Variants in TOP3B observed in about 807,000 individuals in gnomAD.
TOP3B encodes the protein DNA topoisomerase III beta, also known as DNA topoisomerase 3-beta-1.
A neutral mutation model predicts 93.9 loss-of-function variants in TOP3B; 45 were observed. The ratio of observed to expected loss-of-function variants is 0.48; its 90% CI spans 0.38 to 0.61. The LOEUF is 0.61. Among genes scored for constraint, TOP3B ranks in the 20% least tolerant of loss-of-function variants. TOP3B has a pLI of 0.00. For missense variants in TOP3B, 750 were observed against 1,156.1 expected (o/e 0.65, Z 5.09); for synonymous variants, 357 against 472.6 (o/e 0.76, Z 3.17).
rs1254233081 is a variant in TOP3B at position 21,971,258 on chromosome 22, G to C, written c.384+619C>G. ...TGACCAGCTCTTGAGCCACGGGTGA[G>C]AGCTGGGGGTACAGGAGCACGGGGG... On this transcript the variant is annotated intron_variant, in intron 5 of 17. Transcript: ENST00000357179. This position sits in a 1 kb window ranked among gnomAD's most constrained non-coding sequence, Gnocchi z 4.6. The C allele has an allele frequency of 6.4e-6, 2 of 310,874 alleles. No homozygotes were observed. The highest frequency in any genetic ancestry group is 9.4e-5 in the East Asian group (1 of 10,624). 19.3% of individuals were successfully genotyped at this position (310,874 alleles called of 1,614,324 possible). A position where few individuals can be genotyped will look rare whatever the true frequency, so the allele number is the denominator to read the frequency against.
chr22:21,970,888 T>G lies in TOP3B; in HGVS notation c.385-482A>C. Reference sequence around the variant, plus strand: ...AAAAAAGAATGAAGGGGAAAGGAAATGGGCAAGAGCAGGAAGGCCACGGGT... The same window carrying G: ...AAAAAAGAATGAAGGGGAAAGGAAAGGGGCAAGAGCAGGAAGGCCACGGGT... On this transcript the variant is annotated intron_variant, in intron 5 of 17. Coordinates refer to ENST00000357179, the MANE Select transcript of TOP3B (RefSeq NM_001282112.2). This position sits in a 1 kb window ranked among gnomAD's most constrained non-coding sequence, Gnocchi z 4.4. The G allele has an allele frequency of 1.6e-6, 1 of 624,368 alleles. No individual in the cohort carries two copies. Among genetic ancestry groups the G allele is most frequent in the Non-Finnish European group, 2.2e-6 (1 of 460,774 alleles). 38.7% of individuals were successfully genotyped at this position (624,368 alleles called of 1,614,324 possible).
intron 6 of TOP3B, chr22:21,969,270 G>C (rs1352573270): frequency 6.5e-6 from 1 of 153,674 alleles, no homozygotes; most frequent in East Asian, 1.9e-4. Flanking sequence ...CAAGTAACTG[G>C]GACTACAGGC....
chr22:21,979,082 T>C lies in TOP3B; in HGVS notation c.-98-3275A>G, dbSNP rs1207757288. Among the ~76,000 whole-genome samples, 2 of 152,028 alleles carry C rather than the reference T, an allele frequency of 1.3e-5. 1 individual carries two copies. The highest frequency in any genetic ancestry group is 3.9e-4 in the East Asian group (2 of 5,176). ...TCCACTGAGGGAGGACAGGTGGTGATGCTGCGGGCAGGCCCACAGCAGAGG... is the reference window on the plus strand; with the variant it reads ...TCCACTGAGGGAGGACAGGTGGTGACGCTGCGGGCAGGCCCACAGCAGAGG... On this transcript the variant is annotated intron_variant, in intron 1 of 17. Transcript: ENST00000357179.
chr22:21,981,378 C>T (rs539557535), intron 1 of TOP3B, among the ~76,000 whole-genome samples: 1 of 152,322 alleles, frequency 6.6e-6, no homozygotes, highest in East Asian at 1.9e-4. Flanking sequence ...TGTGAGCACT[C>T]TGATGGAACA....
Position 21,971,871 on chromosome 22 carries a change from A to C in TOP3B, c.384+6T>G, listed in dbSNP as rs748305284. 3 of 1,613,752 alleles carry C rather than the reference A, an allele frequency of 1.9e-6. No homozygotes were observed. Among genetic ancestry groups the C allele is most frequent in the Non-Finnish European group, 2.5e-6 (3 of 1,179,842 alleles). ...AAGTGAGGAACAAAGTGAGCCTCAC[A>C]CTCACCTCAAAGCAGATGTTCTCCC... On this transcript the variant is annotated splice_donor_region_variant and intron_variant, in intron 5 of 17. Coordinates refer to ENST00000357179, the MANE Select transcript of TOP3B (RefSeq NM_001282112.2). This position sits in a 1 kb window ranked among gnomAD's most constrained non-coding sequence, Gnocchi z 4.6.
chr22:21,958,606 G>A lies in TOP3B; in HGVS notation c.1993C>T (p.Arg665Cys), dbSNP rs751408259. The A allele has an allele frequency of 5.6e-6, 9 of 1,614,118 alleles. No individual in the cohort carries two copies. The highest frequency in any genetic ancestry group is 1.1e-5 in the South Asian group (1 of 91,084). Residue 665 changes from arginine (R) to cysteine (C), a missense_variant, in exon 17 of 18, where the codon CGC becomes TGC. Arg to Cys is a radical substitution (Grantham distance 180). Coordinates refer to ENST00000357179, the MANE Select transcript of TOP3B (RefSeq NM_001282112.2). ...NGTIKLYKEL[R>C]CPLDDFELVL... is the part of the protein sequence containing the mutation. ...AGCTCGAAGTCATCCAGAGGGCAGC[G>A]GAGCTCCTTGTAGAGCTTGATGGTG...
In TOP3B at chr22:21,959,071, G is replaced by A. The variant is rs558390153; in HGVS notation, c.1905+61C>T. Reference sequence around the variant, plus strand: ...AAGAACATGATTCCTGCTGATCAACGATAAAGCTGAGGCCTACAGGGGTGA... The same window carrying A: ...AAGAACATGATTCCTGCTGATCAACAATAAAGCTGAGGCCTACAGGGGTGA... On this transcript the variant is annotated intron_variant, in intron 16 of 17. Transcript: ENST00000357179. 2.2e-5 allele frequency: 35 copies of A among 1,584,252 alleles called. No individual in the cohort carries two copies. In the Admixed American group the frequency reaches 3.6e-4, roughly 16 times the overall value.
rs768135001 is a variant in TOP3B, at chr22:21,970,940, C to CG, written c.385-535dup. ...GTCCTAGCTTGTGGTGGGGGCAGCT[C>CG]GGGCTAAAGCACAGCAGGGGTCCTG... On this transcript the variant is annotated intron_variant, in intron 5 of 17. Coordinates refer to ENST00000357179, the MANE Select transcript of TOP3B (RefSeq NM_001282112.2). This position sits in a 1 kb window ranked among gnomAD's most constrained non-coding sequence, Gnocchi z 4.4. 216 of 1,133,416 alleles carry CG rather than the reference C, an allele frequency of 1.9e-4. No individual in the cohort carries two copies. Among genetic ancestry groups the CG allele is most frequent in the Non-Finnish European group, 2.4e-4 (213 of 899,134 alleles). 70.2% of individuals were successfully genotyped at this position (1,133,416 alleles called of 1,614,324 possible).
At chr22:21,959,102 C>T in intron 16 of TOP3B, 30 bp downstream of exon 16, 1 of 1,611,844 alleles carries the variant, frequency 6.2e-7, no homozygotes. Flanking sequence ...GGTGAGGCAG[C>T]TTGCCTGAGC....
rs2071620566 is a variant in TOP3B at position 21,971,128 on chromosome 22, G to A, written c.385-722C>T. On this transcript the variant is annotated intron_variant, in intron 5 of 17. Coordinates refer to ENST00000357179, the MANE Select transcript of TOP3B (RefSeq NM_001282112.2). The surrounding 1 kb of genome is among the most constrained non-coding windows in gnomAD (Gnocchi z 4.6). ...CCCAGATGCAAAGGCCCCCAGGGAG[G>A]AGCCGCCCTGCAGGGGAGGAGAGGG... 3 of 1,123,344 alleles carry A rather than the reference G, an allele frequency of 2.7e-6. No individual in the cohort carries two copies. Among genetic ancestry groups the A allele is most frequent in the Non-Finnish European group, 1.2e-6 (1 of 831,910 alleles). The allele number at this position is 1,123,344 out of a possible 1,614,324, so 69.6% of individuals were successfully genotyped here. A position where few individuals can be genotyped will look rare whatever the true frequency, so the allele number is the denominator to read the frequency against.
intron 14 of TOP3B, chr22:21,959,955 G>A (rs2071094933): frequency 1.5e-6 from 1 of 672,016 alleles, no homozygotes; most frequent in Middle Eastern, 4.2e-4. Flanking sequence ...CAGGCAGAGT[G>A]GCCAGGGATG....
In TOP3B at chr22:21,959,595, G is replaced by C. The variant is rs916930682; in HGVS notation, c.1796C>G (p.Ser599Cys). 3 of 1,610,404 alleles carry C rather than the reference G, an allele frequency of 1.9e-6. No homozygotes were observed. The highest frequency in any genetic ancestry group is 1.7e-4 in the Middle Eastern group (1 of 6,046). The change falls in exon 15 of 18, where the codon TCC becomes TGC. Residue 599 changes from serine (S) to cysteine (C), a missense_variant. By Grantham distance (112) the Ser-to-Cys change is moderately radical (BLOSUM62 -1). This residue lies in a region of TOP3B where 737 missense variants were observed against 933.7 expected (regional missense o/e 0.79). Coordinates refer to ENST00000357179, the MANE Select transcript of TOP3B (RefSeq NM_001282112.2). ...FKRKFHYFVD[S>C]IAGMDELMEV... ...CCAGAGGCAGACTCTACCAGCAATGGAGTCGACAAAGTAGTGGAACTTCCT... is the reference window on the plus strand; with the variant it reads ...CCAGAGGCAGACTCTACCAGCAATGCAGTCGACAAAGTAGTGGAACTTCCT...
At chr22:21,967,750 G>GA in intron 7 of TOP3B, 34 bp from the exon 8 acceptor site, 11 of 1,569,656 alleles carry the variant, frequency 7.0e-6, no homozygotes, top group Non-Finnish European at 9.6e-6. Context: ...GAACGCACAA[G>GA]AAAAAGTCTC....
chr22:21,968,851 C>T, intron 6 of TOP3B, 76 bp from the exon 7 acceptor site: 1 of 1,541,586 alleles, frequency 6.5e-7, no homozygotes, highest in Non-Finnish European at 8.9e-7. Context: ...GAGTCCAGCC[C>T]AAGGCCAGGG....
At chr22:21,967,450 G>A (rs1481518307) in intron 8 of TOP3B, 153 bp downstream of exon 8, 2 of 650,184 alleles carry the variant, frequency 3.1e-6, no homozygotes, top group Non-Finnish European at 5.5e-6. Flanking sequence ...GTATATGAGG[G>A]AGTAACCATT....
chr22:21,975,016 T>G (rs1244301737), intron 2 of TOP3B: 3 of 153,132 alleles, frequency 2.0e-5, no homozygotes, highest in Admixed American at 6.5e-5. Context: ...CCCTCTCAAC[T>G]GCTGGACCAA....
chr22:21,980,033 AC>A (rs1246352774), intron 1 of TOP3B, among the ~76,000 whole-genome samples: 2 of 152,106 alleles, frequency 1.3e-5, no homozygotes, highest in Non-Finnish European at 2.9e-5. Flanking sequence ...GTACATACTA[AC>A]GTGGATCAGA....
Position 21,962,583 on chromosome 22 carries a change from G to C in TOP3B, c.1371C>G (p.Pro457=), listed in dbSNP as rs1642443959. 2 of 1,613,304 alleles carry C rather than the reference G, an allele frequency of 1.2e-6. No individual in the cohort carries two copies. Among genetic ancestry groups the C allele is most frequent in the Non-Finnish European group, 1.7e-6 (2 of 1,179,888 alleles). The change falls in exon 13 of 18, where the codon CCC becomes CCG. Residue 457 remains proline, a synonymous_variant. Transcript: ENST00000357179. ...VLSPGFTEVM[P]WQSVPLEESL... is the part of the protein sequence containing the mutation. Reference sequence around the variant, plus strand: ...TCTCCTCCAGGGGCACGCTCTGCCAGGGCATGACCTCCGTGAAGCCTGGAG... The same window carrying C: ...TCTCCTCCAGGGGCACGCTCTGCCACGGCATGACCTCCGTGAAGCCTGGAG...
intron 2 of TOP3B, 139 bp downstream of exon 2, chr22:21,975,501 A>G: frequency 1.0e-6 from 1 of 968,460 alleles, no homozygotes; most frequent in East Asian, 2.9e-5. Context: ...CCCCACTGTG[A>G]CATACTGAGA....
Sources: gnomAD v4.1 joint callset for allele counts (sites outside exome capture counted in the v4.1 genomes callset) on GRCh38, gnomAD v4.1.1 for gene constraint, gnomAD v4.1.1 regional missense constraint, Gnocchi (gnomAD v3.1) non-coding constraint, MANE v1.5 for transcripts, NCBI Gene and HGNC (gene_info 2026-07-23, HGNC 2026-07-21) for gene names.